The following GRIP1 variants were observed in gnomAD, a reference collection of about 807,000 sequenced individuals.
GRIP1 encodes glutamate receptor interacting protein 1, also known as glutamate receptor-interacting protein 1.
GRIP1 carries 45 observed loss-of-function variants against 129.9 expected under a neutral mutation model. The ratio of observed to expected loss-of-function variants is 0.35; its 90% confidence interval spans 0.27 to 0.44. The LOEUF is 0.44. GRIP1 is among the 20% of genes least tolerant of loss of function. GRIP1 has a pLI of 1.00. For synonymous variants in GRIP1, 530 were observed against 520.8 expected (o/e 1.02, Z -0.24); for missense variants, 1,196 against 1,396.8 (o/e 0.86, Z 2.29).
intron 16 of GRIP1, among the ~76,000 whole-genome samples, chr12:66,396,580 T>G (rs969188483): frequency 2.0e-5 from 3 of 152,146 alleles, no homozygotes; most frequent in Non-Finnish European, 4.4e-5. Context: ...TTGGAGACAT[T>G]TTTTTATTGG....
chr12:66,372,416 T>A (rs759215288), intron 22 of GRIP1: 1 of 221,148 alleles, frequency 4.5e-6, no homozygotes, highest in South Asian at 7.0e-5. Context: ...ATGACTGATA[T>A]AAAGGCAAGG....
chr12:66,389,841 G>A (rs925632049), intron 19 of GRIP1, among the ~76,000 whole-genome samples: 3 of 152,104 alleles, frequency 2.0e-5, no homozygotes, highest in African/African-American at 7.2e-5. Flanking sequence ...AAGCACATTC[G>A]TAAGGGAGGT....
At chr12:66,928,530 T>A (rs949383308) in intron 1 of GRIP1, among the ~76,000 whole-genome samples, 1 of 151,252 alleles carries the variant, frequency 6.6e-6, no homozygotes, top group Non-Finnish European at 1.5e-5. Context: ...TTCATTCATT[T>A]AAAAAAAAAG....
chr12:66,475,257 T>A (rs565694054), intron 7 of GRIP1, among the ~76,000 whole-genome samples: 2 of 152,292 alleles, frequency 1.3e-5, no homozygotes, highest in Middle Eastern at 3.4e-3. Context: ...GGTAAAGGGA[T>A]AAATTCAACA....
At chr12:66,686,751 T>A (rs2034799556) in intron 1 of GRIP1, among the ~76,000 whole-genome samples, 1 of 152,204 alleles carries the variant, frequency 6.6e-6, no homozygotes, top group South Asian at 2.1e-4. Context: ...ATATTAAGAA[T>A]GCATATATTA....
chr12:66,887,124 C>A lies in GRIP1; in HGVS notation c.58+181926G>T, dbSNP rs999919279. On this transcript the variant is annotated intron_variant, in intron 1 of 1. Transcript: ENST00000643019. The stretch of plus-strand genomic sequence containing the variant: ...TTGATCTTATGCTTTGTTTTTCTGG[C>A]TTTGCTAACTGCGTCAGTGTAGGAG... Among the ~76,000 whole-genome samples, 5 of 152,196 alleles carry A rather than the reference C, an allele frequency of 3.3e-5. No individual in the cohort carries two copies. The East Asian group carries it at 9.6e-4, about 29-fold the overall frequency.
intron 1 of GRIP1, among the ~76,000 whole-genome samples, chr12:66,765,616 A>G (rs2037612981): frequency 6.6e-6 from 1 of 152,058 alleles, no homozygotes; most frequent in Non-Finnish European, 1.5e-5. Context: ...CTTGCTTCAC[A>G]CTCCATGGTA....
intron 16 of GRIP1, among the ~76,000 whole-genome samples, chr12:66,398,333 A>G (rs752489389): frequency 1.3e-5 from 2 of 151,948 alleles, no homozygotes; most frequent in Non-Finnish European, 2.9e-5. Context: ...GCAAGAGCTG[A>G]GCTGGCCCCC....
chr12:66,649,412 T>C (rs756570534), intron 1 of GRIP1, among the ~76,000 whole-genome samples: 1 of 152,144 alleles, frequency 6.6e-6, no homozygotes, highest in Non-Finnish European at 1.5e-5. Flanking sequence ...GAGAAAAAGG[T>C]CCAGAAATTT....
At chr12:66,853,114 A>G (rs2039942163) in intron 1 of GRIP1, among the ~76,000 whole-genome samples, 1 of 151,706 alleles carries the variant, frequency 6.6e-6, no homozygotes, top group Non-Finnish European at 1.5e-5. Flanking sequence ...TGTCTCATAA[A>G]CCAAACGTGA....
chr12:66,728,349 C>T (rs1248433949), intron 1 of GRIP1, among the ~76,000 whole-genome samples: 1 of 152,158 alleles, frequency 6.6e-6, no homozygotes, highest in Non-Finnish European at 1.5e-5. Context: ...TGCAACGGCT[C>T]ATCACAATGC....
At chr12:66,940,897 T>C (rs1036858497) in intron 1 of GRIP1, among the ~76,000 whole-genome samples, 1 of 151,868 alleles carries the variant, frequency 6.6e-6, no homozygotes, top group Admixed American at 6.6e-5. Context: ...AAATTCTTTG[T>C]GGAAAAAAAG....
At chr12:66,655,510 G>C (rs1260350265) in intron 1 of GRIP1, among the ~76,000 whole-genome samples, 1 of 151,878 alleles carries the variant, frequency 6.6e-6, no homozygotes, top group Non-Finnish European at 1.5e-5. Flanking sequence ...TTTACAGTAG[G>C]GTTCACTCTT....
rs953277378 is a variant in GRIP1 at position 66,462,773 on chromosome 12, G to A, written c.1042+151C>T. Reference sequence around the variant, plus strand: ...ACCGAGATCATGCTACTGCATTCCAGTCTGGGGGACAGAGTGAGACTCCAT... The same window carrying A: ...ACCGAGATCATGCTACTGCATTCCAATCTGGGGGACAGAGTGAGACTCCAT... On this transcript the variant is annotated intron_variant, in intron 9 of 24. Transcript: ENST00000359742. 21 of 628,036 alleles carry A rather than the reference G, an allele frequency of 3.3e-5. No individual in the cohort carries two copies. In the African/African-American group the frequency reaches 3.9e-4, roughly 12 times the overall value. The allele number at this position is 628,036 out of a possible 1,614,324, so 38.9% of individuals were successfully genotyped here. A position where few individuals can be genotyped will look rare whatever the true frequency, so the allele number is the denominator to read the frequency against.
At chr12:66,463,315 GT>G (rs1350471575) in intron 8 of GRIP1, among the ~76,000 whole-genome samples, 2 of 150,566 alleles carry the variant, frequency 1.3e-5, no homozygotes, top group African/African-American at 4.9e-5. Context: ...TCAACGAAAT[GT>G]TTTCTCTTGT....
intron 1 of GRIP1, among the ~76,000 whole-genome samples, chr12:66,734,231 T>C (rs1264883109): frequency 6.6e-6 from 1 of 152,154 alleles, no homozygotes; most frequent in Non-Finnish European, 1.5e-5. Flanking sequence ...TTCCAGAGAA[T>C]AATAAAAATG....
At chr12:66,917,897 C>T (rs112090706) in intron 1 of GRIP1, among the ~76,000 whole-genome samples, 1 of 151,742 alleles carries the variant, frequency 6.6e-6, no homozygotes, top group Non-Finnish European at 1.5e-5. Flanking sequence ...ACTACTGAGT[C>T]CTAGTGTATC....
In GRIP1 at chr12:66,411,163, T is replaced by A. The variant is rs892245625; in HGVS notation, c.1839-4735A>T. 3.9e-5 allele frequency among the ~76,000 whole-genome samples: 6 copies of A among 152,176 alleles called. No homozygotes were observed. In the East Asian group the frequency reaches 7.7e-4, roughly 20 times the overall value. ...TCAAGCGGCAGCCAGACTGCTTTTT[T>A]AAGCGGGTCCCTGATACCGTTCCTC... On this transcript the variant is annotated intron_variant, in intron 15 of 24. Coordinates refer to ENST00000359742, the MANE Select transcript of GRIP1 (RefSeq NM_001366722.1).
chr12:67,041,439 C>T (rs2043179472), intron 1 of GRIP1, among the ~76,000 whole-genome samples: 1 of 152,038 alleles, frequency 6.6e-6, no homozygotes, highest in South Asian at 2.1e-4. Context: ...CTCTGGAGAA[C>T]TGTACTACAG....
Sources: gnomAD v4.1 joint callset for allele counts (sites outside exome capture counted in the v4.1 genomes callset) on GRCh38, gnomAD v4.1.1 for gene constraint, MANE v1.5 for transcripts, NCBI Gene and HGNC (gene_info 2026-07-23, HGNC 2026-07-21) for gene names.